ALPK3: variants seen among roughly 807,000 people sequenced by gnomAD.
ALPK3 encodes the protein alpha kinase 3, also known as alpha-protein kinase 3.
In ALPK3, 102 loss-of-function variants were observed where a neutral mutation model predicts 140.0. The ratio of observed to expected loss-of-function variants is 0.73; its 90% CI spans 0.62 to 0.86. The LOEUF is 0.86. ALPK3 is among the 40% of genes least tolerant of loss of function. The pLI is 0.00. For synonymous variants in ALPK3, 938 were observed against 898.5 expected, an observed-to-expected ratio of 1.04 and a Z score of -0.79; for missense variants, 2,254 against 2,208.2, an observed-to-expected ratio of 1.02 and a Z score of -0.42.
At chr15:84,836,638 C>A (rs1457469173) in intron 3 of ALPK3, among the ~76,000 whole-genome samples, 1 of 152,168 alleles carries the variant, frequency 6.6e-6, no homozygotes, top group Non-Finnish European at 1.5e-5. Flanking sequence ...GCTTGGAGGG[C>A]GGACTAAGGA....
rs1362176412 is a variant in ALPK3 at position 84,858,129 on chromosome 15, G to A, written c.3391G>A (p.Glu1131Lys). The change falls in exon 6 of 14, where the codon GAG becomes AAG. Residue 1131 changes from glutamate (E) to lysine (K), a missense_variant. Transcript: ENST00000258888. Reference protein sequence around the residue: ...QAAPGQGPSAESIAQEPSQEE... With the variant: ...QAAPGQGPSAKSIAQEPSQEE... ...AGCCCCTGGACAGGGGCCCTCAGCA[G>A]AGAGCATAGCCCAGGAGCCCTCCCA... The A allele has an allele frequency of 6.3e-7, 1 of 1,590,578 alleles. No homozygotes were observed. Among genetic ancestry groups the A allele is most frequent in the Non-Finnish European group, 8.5e-7 (1 of 1,170,818 alleles).
At chr15:84,826,516 G>A (rs1341083934) in intron 2 of ALPK3, among the ~76,000 whole-genome samples, 3 of 152,182 alleles carry the variant, frequency 2.0e-5, no homozygotes, top group Non-Finnish European at 4.4e-5. Flanking sequence ...TTCAGGTGGC[G>A]CTTCACACCT....
In ALPK3 at chr15:84,858,195, G is replaced by C. The variant is rs747856268; in HGVS notation, c.3457G>C (p.Ala1153Pro). ...AGGGGAGGCTCTGACAGGTCTCCCG[G>C]CAGCTACACCTGAGGAACTGGCTCT... The part of the protein sequence containing the change: ...FPGEALTGLP[A>P]ATPEELALGA... The change falls in exon 6 of 14, where the codon GCA (alanine) becomes CCA (proline). Residue 1153 changes from alanine (A) to proline (P), a missense_variant. By Grantham distance (27) the Ala-to-Pro change is conservative. This residue lies in a region of ALPK3 where 2,088 missense variants were observed against 2,022.9 expected (regional missense o/e 1.03). Transcript: ENST00000258888. 8 of 1,612,582 alleles carry C rather than the reference G, an allele frequency of 5.0e-6. No individual in the cohort carries two copies. Among genetic ancestry groups the C allele is most frequent in the Non-Finnish European group, 6.8e-6 (8 of 1,179,392 alleles).
chr15:84,838,812 G>A (rs952547513), intron 3 of ALPK3, among the ~76,000 whole-genome samples, 168 bp from the exon 4 acceptor site: 19 of 151,962 alleles, frequency 1.3e-4, no homozygotes, highest in African/African-American at 4.6e-4. Context: ...AGTAGAGACT[G>A]GGTTTTACCA....
Position 84,859,278 on chromosome 15 carries a change from T to A in ALPK3, c.3853T>A (p.Phe1285Ile). The A allele has an allele frequency of 6.2e-7, 1 of 1,614,124 alleles. No homozygotes were observed. Among genetic ancestry groups the A allele is most frequent in the South Asian group, 1.1e-5 (1 of 91,086 alleles). Residue 1285 changes from phenylalanine (F) to isoleucine (I), a missense_variant, in exon 7 of 14, where the codon TTT (phenylalanine) becomes ATT (isoleucine). Physicochemically the swap from Phe to Ile is conservative, Grantham distance 21. Coordinates refer to ENST00000258888, the MANE Select transcript of ALPK3 (RefSeq NM_020778.5). ...GATCCGGAAGATTCGGGTGGAGCAG[T>A]TTCCTGATGCCTCCGGTAGCCTGAA... is the stretch of plus-strand genomic sequence containing the variant. Reference protein sequence around the residue: ...QVIRKIRVEQFPDASGSLKLW... With the variant: ...QVIRKIRVEQIPDASGSLKLW...
chr15:84,831,823 C>T (rs1963548407), intron 3 of ALPK3, among the ~76,000 whole-genome samples: 1 of 152,154 alleles, frequency 6.6e-6, no homozygotes, highest in Admixed American at 6.5e-5. Context: ...CCTAGGTAGC[C>T]ACTGTTGGGA....
At position 84,872,911 on chromosome 15, in the gene ALPK3, C is replaced by T. The variant is rs548560926; in HGVS notation, c.*4455C>T. On this transcript the variant is annotated 3_prime_UTR_variant, in exon 14 of 14. Transcript: ENST00000258888. ...AATCAAGTGGGAGATCTTGACTTTA[C>T]CTTGGCACTTGAGACAGAACTGTTG... 6.6e-6 allele frequency: 1 copy of T among 152,202 alleles called. No individual in the cohort carries two copies. Among genetic ancestry groups the T allele is most frequent in the African/African-American group, 2.4e-5 (1 of 41,454 alleles). 9.4% of individuals were successfully genotyped at this position (152,202 alleles called of 1,614,324 possible).
chr15:84,860,813 C>T (rs1263068648), intron 9 of ALPK3, among the ~76,000 whole-genome samples: 1 of 152,242 alleles, frequency 6.6e-6, no homozygotes, highest in African/African-American at 2.4e-5. Context: ...ACCTCCGCTT[C>T]CTGGGTTCAA....
chr15:84,873,044 C>G lies in ALPK3; in HGVS notation c.*4588C>G, dbSNP rs958415893. The G allele has an allele frequency of 6.6e-6, 1 of 152,196 alleles. No homozygotes were observed. Among genetic ancestry groups the G allele is most frequent in the Admixed American group, 6.5e-5 (1 of 15,268 alleles). 9.4% of individuals were successfully genotyped at this position (152,196 alleles called of 1,614,324 possible). A position where few individuals can be genotyped will look rare whatever the true frequency, so the allele number is the denominator to read the frequency against. ...GAGGTCTGGTTTCCATGCCCTATCC[C>G]TTACGATGAGCGCCCTATTTTGTTC... On this transcript the variant is annotated 3_prime_UTR_variant, in exon 14 of 14. Transcript: ENST00000258888.
intron 3 of ALPK3, among the ~76,000 whole-genome samples, chr15:84,834,621 T>C (rs1021005120): frequency 2.0e-5 from 3 of 152,266 alleles, no homozygotes; most frequent in African/African-American, 4.8e-5. Context: ...CATTATTCTT[T>C]TGAATCGGAG....
intron 3 of ALPK3, among the ~76,000 whole-genome samples, chr15:84,836,934 G>A (rs1223890791): frequency 6.6e-6 from 1 of 152,158 alleles, no homozygotes. Flanking sequence ...TGAAGTAGGA[G>A]GAGCAGCCAG....
At chr15:84,820,203 T>G (rs1339112056) in intron 1 of ALPK3, among the ~76,000 whole-genome samples, 1 of 152,158 alleles carries the variant, frequency 6.6e-6, no homozygotes, top group East Asian at 1.9e-4. Flanking sequence ...CAGAAACCCC[T>G]GCCCCCTGGA....
At chr15:84,850,879 T>TATATATACACAC (rs144798232) in intron 5 of ALPK3, among the ~76,000 whole-genome samples, 38 of 142,472 alleles carry the variant, frequency 2.7e-4, no homozygotes, top group Non-Finnish European at 4.4e-4. Context: ...GTTCCAGATA[T>TATATATACACAC]ACACACACAC....
chr15:84,839,103 G>A lies in ALPK3; in HGVS notation c.422+6G>A, dbSNP rs1209945782. ...CACACACTGCAGCTGTACAGGTGAG[G>A]GAGAAGGGCCTGTTTTGCTCTCTCT... is the stretch of plus-strand genomic sequence containing the variant. On this transcript the variant is annotated splice_donor_region_variant and intron_variant, in intron 4 of 13. Coordinates refer to ENST00000258888, the MANE Select transcript of ALPK3 (RefSeq NM_020778.5). The A allele has an allele frequency of 6.2e-7, 1 of 1,601,834 alleles. No individual in the cohort carries two copies. The highest frequency in any genetic ancestry group is 8.5e-7 in the Non-Finnish European group (1 of 1,173,462).
At chr15:84,856,128 GA>G (rs1472689410) in intron 5 of ALPK3, among the ~76,000 whole-genome samples, 1 of 152,186 alleles carries the variant, frequency 6.6e-6, no homozygotes, top group Non-Finnish European at 1.5e-5. Context: ...GGAAGAGGTG[GA>G]AAGGGCCAGA....
chr15:84,836,770 T>C (rs1056430241), intron 3 of ALPK3, among the ~76,000 whole-genome samples: 9 of 152,272 alleles, frequency 5.9e-5, no homozygotes, highest in Non-Finnish European at 1.0e-4. Context: ...TGGGAGTCCA[T>C]GAGCATACAT....
rs1461476415 is a variant in ALPK3, at chr15:84,839,837, G to C, written c.558G>C (p.Lys186Asn). The C allele has an allele frequency of 1.2e-6, 2 of 1,614,142 alleles. No homozygotes were observed. The highest frequency in any genetic ancestry group is 1.7e-6 in the Non-Finnish European group (2 of 1,180,042). The change falls in exon 5 of 14, where the codon AAG (lysine) becomes AAC (asparagine). Residue 186 changes from lysine to asparagine, a missense_variant. Transcript: ENST00000258888. ...KIHQRWFAKL[K>N]RKAAAKLREI... ...ACCAGCGCTGGTTCGCCAAGTTGAA[G>C]CGCAAGGCTGCGGCAAAGCTGCGCG... is the stretch of plus-strand genomic sequence containing the variant.
intron 3 of ALPK3, among the ~76,000 whole-genome samples, chr15:84,834,212 G>T (rs1325920716): frequency 1.3e-5 from 2 of 152,086 alleles, no homozygotes; most frequent in Non-Finnish European, 2.9e-5. Flanking sequence ...GAAACCTAGG[G>T]CTTTGCCATT....
intron 11 of ALPK3, 31 bp from the exon 12 acceptor site, chr15:84,864,410 TC>T (rs1963981240): frequency 6.3e-7 from 1 of 1,593,000 alleles, no homozygotes; most frequent in Non-Finnish European, 8.6e-7. Flanking sequence ...GGGCCATACT[TC>T]CTGCTTACTG....
Sources: allele counts gnomAD v4.1 joint callset (sites outside exome capture counted in the v4.1 genomes callset), GRCh38; gene constraint gnomAD v4.1.1; regional missense constraint gnomAD v4.1.1; transcripts MANE v1.5; gene names NCBI Gene and HGNC (gene_info 2026-07-23, HGNC 2026-07-21).